FOCAD: variants seen among roughly 807,000 people sequenced by gnomAD.
FOCAD encodes KIAA1797.
In FOCAD, 198 loss-of-function variants were observed where a neutral mutation model predicts 225.6. That is an observed-to-expected ratio of 0.88 (90% confidence interval 0.78 to 0.99). The LOEUF is 0.99. FOCAD is among the 50% of genes least tolerant of loss of function. The pLI, the probability that FOCAD is intolerant of heterozygous loss-of-function variation, is 0.00. For missense variants in FOCAD, 2,713 were observed against 2,123.6 expected, an observed-to-expected ratio of 1.28 and a Z score of -5.46; for synonymous variants, 897 against 755.0, an observed-to-expected ratio of 1.19 and a Z score of -3.08.
intron 42 of FOCAD, among the ~76,000 whole-genome samples, chr9:20,991,677 GTGGTGT>G (rs1161450689): frequency 1.3e-5 from 2 of 152,104 alleles, no homozygotes; most frequent in Non-Finnish European, 2.9e-5. Context: ...GACGAGTGTG[GTGGTGT>G]GTGCCTATAA....
chr9:20,992,368 T>C, intron 42 of FOCAD, among the ~76,000 whole-genome samples: 1 of 152,224 alleles, frequency 6.6e-6, no homozygotes, highest in East Asian at 1.9e-4. Flanking sequence ...TGTTCTCATC[T>C]ACAGAAACAT....
intron 5 of FOCAD, among the ~76,000 whole-genome samples, chr9:20,755,140 C>G (rs1828934728): frequency 6.6e-6 from 1 of 151,222 alleles, no homozygotes; most frequent in African/African-American, 2.5e-5. Context: ...AGCTTTTCAG[C>G]TTCTTAGAAT....
At position 20,946,733 on chromosome 9, in the gene FOCAD, A is replaced by T; in HGVS notation, c.3588A>T (p.Thr1196=). The T allele has an allele frequency of 6.2e-7, 1 of 1,613,590 alleles. No individual in the cohort carries two copies. Residue 1196 remains threonine (T), a synonymous_variant, in exon 30 of 44, where the codon ACA becomes ACT. Coordinates refer to ENST00000338382, the MANE Select transcript of FOCAD (RefSeq NM_001375567.1). Reference sequence around the variant, plus strand: ...CCTACACACTTAGCTGTGTATGTACATCAGCGTTCAGTGCTGGAATTATTG... The same window carrying T: ...CCTACACACTTAGCTGTGTATGTACTTCAGCGTTCAGTGCTGGAATTATTG... The part of the protein sequence containing the change: ...VLAYTLSCVC[T]SAFSAGIIEA...
intron 21 of FOCAD, among the ~76,000 whole-genome samples, chr9:20,892,434 A>G: frequency 6.6e-6 from 1 of 152,188 alleles, no homozygotes; most frequent in East Asian, 1.9e-4. Flanking sequence ...GAAGAGGTCA[A>G]GATATCAATG....
At chr9:20,764,807 C>A in intron 6 of FOCAD, 62 bp from the exon 7 acceptor site, 9 of 1,277,124 alleles carry the variant, frequency 7.0e-6, no homozygotes, top group Non-Finnish European at 8.9e-6. Context: ...TGATATTTGC[C>A]ACTTACCTGC....
chr9:20,947,739 G>T (rs1311240238), intron 30 of FOCAD, among the ~76,000 whole-genome samples: 2 of 152,022 alleles, frequency 1.3e-5, no homozygotes, highest in African/African-American at 2.4e-5. Flanking sequence ...TTTTTTAAAG[G>T]TTTCTCCACT....
At chr9:20,668,064 G>A (rs936955986) in intron 2 of FOCAD, among the ~76,000 whole-genome samples, 1 of 152,268 alleles carries the variant, frequency 6.6e-6, no homozygotes, top group African/African-American at 2.4e-5. Context: ...CAATTTAATT[G>A]TAGTTTCCTG....
chr9:20,871,922 T>A (rs992895385), intron 18 of FOCAD, among the ~76,000 whole-genome samples: 14 of 147,196 alleles, frequency 9.5e-5, no homozygotes, highest in South Asian at 2.1e-4. Context: ...AATAATAAAA[T>A]AAAAAAAATT....
chr9:20,760,779 G>A (rs1829520828), intron 6 of FOCAD, among the ~76,000 whole-genome samples: 1 of 152,112 alleles, frequency 6.6e-6, no homozygotes, highest in African/African-American at 2.4e-5. Context: ...CTCTGTATTA[G>A]TGATGCTTGG....
chr9:20,760,471 G>C (rs1278158229), intron 6 of FOCAD, among the ~76,000 whole-genome samples: 1 of 152,228 alleles, frequency 6.6e-6, no homozygotes, highest in East Asian at 1.9e-4. Flanking sequence ...TGCTTTAGCA[G>C]TACAATGACT....
rs1281307862 is a variant in FOCAD, at chr9:20,888,256, A to T, written c.2625+3026A>T. ...TGGGCTCAAGCGATTCTCCCACCTCAGTCTCCTAAATAGCTGGGATTGCAG... is the reference window on the plus strand; with the variant it reads ...TGGGCTCAAGCGATTCTCCCACCTCTGTCTCCTAAATAGCTGGGATTGCAG... On this transcript the variant is annotated intron_variant, in intron 21 of 43. Transcript: ENST00000338382. Among the ~76,000 whole-genome samples, 3 of 149,306 alleles carry T rather than the reference A, an allele frequency of 2.0e-5. No homozygotes were observed. The East Asian group carries it at 6.0e-4, about 30-fold the overall frequency.
At chr9:20,976,590 G>C (rs1387038279) in intron 36 of FOCAD, 42 bp downstream of exon 36, 9 of 1,594,728 alleles carry the variant, frequency 5.6e-6, no homozygotes, top group South Asian at 1.1e-5. Context: ...TTTGATTTTA[G>C]TATTTGACCT....
chr9:20,781,989 C>T lies in FOCAD; in HGVS notation c.1197+60C>T, dbSNP rs76630134. 1.6e-4 allele frequency: 230 copies of T among 1,455,118 alleles called. 1 individual carries two copies. The East Asian group carries it at 3.2e-3, about 20-fold the overall frequency. 90.1% of individuals were successfully genotyped at this position (1,455,118 alleles called of 1,614,324 possible). A position where few individuals can be genotyped will look rare whatever the true frequency, so the allele number is the denominator to read the frequency against. On this transcript the variant is annotated intron_variant, in intron 10 of 43. Transcript: ENST00000338382. ...TGTCGATGTGGGATTTCGGTCTTTA[C>T]GGATAATCTTGCCTCCTGATGAAGC...
In FOCAD at chr9:20,717,860, A is replaced by G. The variant is rs778049918; in HGVS notation, c.124A>G (p.Thr42Ala). 32 of 1,611,946 alleles carry G rather than the reference A, an allele frequency of 2.0e-5. No individual in the cohort carries two copies. In the South Asian group the frequency reaches 3.2e-4, roughly 16 times the overall value. The part of the protein sequence containing the change: ...NGFSEKIHQS[T>A]NQTPALNLLW... ...TTTTTCAGAAAAGATTCACCAATCT[A>G]CAAATCAGGTCTGTGTTTAACTTTA... Residue 42 changes from threonine (T) to alanine (A), a missense_variant, in exon 3 of 44, where the codon ACA (threonine) becomes GCA (alanine). Transcript: ENST00000338382.
chr9:20,708,072 CTT>C (rs1328878354), intron 1 of FOCAD, among the ~76,000 whole-genome samples: 1 of 152,152 alleles, frequency 6.6e-6, no homozygotes, highest in African/African-American at 2.4e-5. Context: ...TTTTCCCCCT[CTT>C]TTTTGAGGGA....
chr9:20,977,790 AT>A (rs1840346965), intron 36 of FOCAD, among the ~76,000 whole-genome samples: 1 of 152,198 alleles, frequency 6.6e-6, no homozygotes, highest in Admixed American at 6.5e-5. Flanking sequence ...GTTTCCAGAG[AT>A]TTCATTTGAA....
Position 20,948,843 on chromosome 9 carries a change from G to C in FOCAD, c.3799-8G>C. 2 of 1,613,206 alleles carry C rather than the reference G, an allele frequency of 1.2e-6. No individual in the cohort carries two copies. Among genetic ancestry groups the C allele is most frequent in the Non-Finnish European group, 1.7e-6 (2 of 1,179,372 alleles). ...CCCTCTTTTCATATTCTGATGCTTT[G>C]TTTTCAGGGCACTCCCACAATGCTT... On this transcript the variant is annotated splice_region_variant and splice_polypyrimidine_tract_variant and intron_variant, in intron 31 of 43. Transcript: ENST00000338382.
intron 28 of FOCAD, among the ~76,000 whole-genome samples, chr9:20,937,437 C>T (rs893578488): frequency 1.3e-5 from 2 of 152,084 alleles, no homozygotes; most frequent in Non-Finnish European, 2.9e-5. Context: ...TATCTACAAC[C>T]ATCTGATCTT....
At chr9:20,733,308 C>T (rs1406119331) in intron 4 of FOCAD, among the ~76,000 whole-genome samples, 2 of 152,096 alleles carry the variant, frequency 1.3e-5, no homozygotes, top group Admixed American at 1.3e-4. Flanking sequence ...TTGTTTATTT[C>T]AATTTCTCCT....
Sources: allele counts gnomAD v4.1 joint callset (sites outside exome capture counted in the v4.1 genomes callset), GRCh38; gene constraint gnomAD v4.1.1; transcripts MANE v1.5; gene names NCBI Gene and HGNC (gene_info 2026-07-23, HGNC 2026-07-21).